The following STC1 variants were observed in gnomAD, a reference collection of about 807,000 sequenced individuals.
STC1 encodes stanniocalcin-1.
A neutral mutation model predicts 22.6 loss-of-function variants in STC1; 7 were observed. The observed-to-expected ratio is 0.31, with a 90% CI of 0.18 to 0.58. The LOEUF (loss-of-function observed/expected upper bound fraction) is 0.58, where lower values mean the gene tolerates loss of function less well. STC1 is among the 20% of genes least tolerant of loss of function. The probability of loss-of-function intolerance (pLI) is 0.89; values close to 1 mark genes in which losing one functional copy is unlikely to be tolerated. For synonymous variants in STC1, 113 were observed against 120.7 expected, an observed-to-expected ratio of 0.94 and a Z score of 0.42; for missense variants, 224 against 311.0, an observed-to-expected ratio of 0.72 and a Z score of 2.10.
rs760208706 is a variant in STC1 at position 23,854,603 on chromosome 8, T to C, written c.-80A>G. The C allele has an allele frequency of 7.6e-6, 9 of 1,178,130 alleles. No homozygotes were observed. The highest frequency in any genetic ancestry group is 1.1e-5 in the Non-Finnish European group (9 of 785,654). The allele number at this position is 1,178,130 out of a possible 1,614,324, so 73.0% of individuals were successfully genotyped here. A position where few individuals can be genotyped will look rare whatever the true frequency, so the allele number is the denominator to read the frequency against. The stretch of plus-strand genomic sequence containing the variant: ...TCCTCTTTCCCTCTCCTGGCTTGAG[T>C]GAAGATGTGGATCTGGATACACTGA... On this transcript the variant is annotated 5_prime_UTR_variant, in exon 1 of 4. Transcript: ENST00000290271.
intron 3 of STC1, among the ~76,000 whole-genome samples, chr8:23,845,295 C>T (rs922272196): frequency 6.6e-6 from 1 of 152,098 alleles, no homozygotes; most frequent in African/African-American, 2.4e-5. Context: ...ATTTAGATCA[C>T]ACTTTGAAGA....
In STC1 at chr8:23,854,720, TGCC is replaced by T; in HGVS notation, c.-200_-198del. Reference sequence around the variant, plus strand: ...CCGGTGCCTCCGCTGCTGCTGCTGCTGCCGCCGCTGCTGCTGCTGCTGCCACCG... The same window carrying T: ...CCGGTGCCTCCGCTGCTGCTGCTGCTGCCGCTGCTGCTGCTGCTGCCACCG... On this transcript the variant is annotated 5_prime_UTR_variant, in exon 1 of 4. Transcript: ENST00000290271. 1 of 662,814 alleles carries T rather than the reference TGCC, an allele frequency of 1.5e-6. No individual in the cohort carries two copies. The highest frequency in any genetic ancestry group is 2.8e-6 in the Non-Finnish European group (1 of 359,584). The allele number at this position is 662,814 out of a possible 1,614,324, so 41.1% of individuals were successfully genotyped here. A position where few individuals can be genotyped will look rare whatever the true frequency, so the allele number is the denominator to read the frequency against.
rs1802682646 is a variant in STC1 at position 23,854,788 on chromosome 8, C to G, written c.-265G>C. Reference sequence around the variant, plus strand: ...GCTGCTGCAGTCGCTGCTTCTTGCACCTCTGGCTTTTGCAAACTGGGGGCC... The same window carrying G: ...GCTGCTGCAGTCGCTGCTTCTTGCAGCTCTGGCTTTTGCAAACTGGGGGCC... On this transcript the variant is annotated 5_prime_UTR_variant, in exon 1 of 4. Coordinates refer to ENST00000290271, the MANE Select transcript of STC1 (RefSeq NM_003155.3). 1.8e-6 allele frequency: 1 copy of G among 554,140 alleles called. No homozygotes were observed. Among genetic ancestry groups the G allele is most frequent in the African/African-American group, 1.9e-5 (1 of 52,276 alleles). 34.3% of individuals were successfully genotyped at this position (554,140 alleles called of 1,614,324 possible). A position where few individuals can be genotyped will look rare whatever the true frequency, so the allele number is the denominator to read the frequency against.
rs1802544487 is a variant in STC1 at position 23,844,184 on chromosome 8, GC to G, written c.*585del. 1 of 154,058 alleles carries G rather than the reference GC, an allele frequency of 6.5e-6. No individual in the cohort carries two copies. Among genetic ancestry groups the G allele is most frequent in the Admixed American group, 6.4e-5 (1 of 15,588 alleles). The allele number at this position is 154,058 out of a possible 1,614,324, so 9.5% of individuals were successfully genotyped here. On this transcript the variant is annotated 3_prime_UTR_variant, in exon 4 of 4. Coordinates refer to ENST00000290271, the MANE Select transcript of STC1 (RefSeq NM_003155.3). Reference sequence around the variant, plus strand: ...TGCAGGCTCAAAGTCTGGTTGGACAGCCAGGCTCAAGCAATTTGGTAAATGT... The same window carrying G: ...TGCAGGCTCAAAGTCTGGTTGGACAGCAGGCTCAAGCAATTTGGTAAATGT...
At position 23,848,554 on chromosome 8, in the gene STC1, A is replaced by AAG. The variant is rs1554520346; in HGVS notation, c.473+2765_473+2766insCT. On this transcript the variant is annotated intron_variant, in intron 3 of 3. Coordinates refer to ENST00000290271, the MANE Select transcript of STC1 (RefSeq NM_003155.3). ...CAAAAAAAAAAAAAAAAAAAAAAAA[A>AAG]AAGAAGAAGAAGATTCCTTTCTTTA... is the stretch of plus-strand genomic sequence containing the variant. 7.9e-3 allele frequency among the ~76,000 whole-genome samples: 1,098 copies of AAG among 138,762 alleles called. 4 individuals carry two copies. Among genetic ancestry groups the AAG allele is most frequent in the Non-Finnish European group, 9.5e-3 (620 of 65,016 alleles). The allele number at this position is 138,762 out of a possible 152,430, so 91.0% of individuals were successfully genotyped here.
chr8:23,851,613 G>A, intron 2 of STC1, 82 bp from the exon 3 acceptor site: 1 of 1,195,974 alleles, frequency 8.4e-7, no homozygotes, highest in South Asian at 1.3e-5. Flanking sequence ...GAATTTAAGG[G>A]GGCTCATCTG....
chr8:23,848,638 C>A (rs577648890), intron 3 of STC1, among the ~76,000 whole-genome samples: 1 of 150,308 alleles, frequency 6.7e-6, no homozygotes, highest in African/African-American at 2.4e-5. Context: ...GTGTTCTGAT[C>A]ACCCAGCCCG....
intron 3 of STC1, among the ~76,000 whole-genome samples, chr8:23,847,653 C>G (rs1439012743): frequency 6.6e-6 from 1 of 152,174 alleles, no homozygotes; most frequent in Non-Finnish European, 1.5e-5. Context: ...AGCCATTTAC[C>G]TCTGGGATCA....
chr8:23,845,134 A>G (rs1157766041), intron 3 of STC1, 94 bp from the exon 4 acceptor site: 1 of 1,335,930 alleles, frequency 7.5e-7, no homozygotes, highest in East Asian at 2.3e-5. Flanking sequence ...ACGAGTCCCT[A>G]ATGGCCTGAC....
Position 23,844,501 on chromosome 8 carries a change from A to AC in STC1, c.*268_*269insG. ...GGGTGGTCTCAGGGGAGCAGGGGAA[A>AC]AACATGGCAGAGGAAGTTGGTAAAA... On this transcript the variant is annotated 3_prime_UTR_variant, in exon 4 of 4. Coordinates refer to ENST00000290271, the MANE Select transcript of STC1 (RefSeq NM_003155.3). The AC allele has an allele frequency of 6.2e-6, 3 of 480,392 alleles. No homozygotes were observed. The highest frequency in any genetic ancestry group is 3.5e-5 in the Admixed American group (1 of 28,638). 29.8% of individuals were successfully genotyped at this position (480,392 alleles called of 1,614,324 possible).
chr8:23,853,757 C>T (rs1420693306), intron 1 of STC1, among the ~76,000 whole-genome samples: 3 of 152,070 alleles, frequency 2.0e-5, no homozygotes, highest in East Asian at 1.9e-4. Flanking sequence ...ACAGCTGCTA[C>T]GTTTCACAAT....
rs1225180843 is a variant in STC1, at chr8:23,843,438, A to G, written c.*1332T>C. 1 of 152,390 alleles carries G rather than the reference A, an allele frequency of 6.6e-6. No homozygotes were observed. The highest frequency in any genetic ancestry group is 1.5e-5 in the Non-Finnish European group (1 of 68,024). 9.4% of individuals were successfully genotyped at this position (152,390 alleles called of 1,614,324 possible). A position where few individuals can be genotyped will look rare whatever the true frequency, so the allele number is the denominator to read the frequency against. ...AAGGCTGGACAGCCCAGGGTTATTT[A>G]TACTCTCTCAGCCCCAAGTCCCCCG... is the stretch of plus-strand genomic sequence containing the variant. On this transcript the variant is annotated 3_prime_UTR_variant, in exon 4 of 4. Transcript: ENST00000290271.
Position 23,852,338 on chromosome 8 carries a change from C to A in STC1, c.165G>T (p.Gly55=). ...CLNSALQVGC[G]AFACLENSTC... ...TGGAGTTTTCCAGGCATGCAAAAGC[C>A]CCGCAGCCGACCTGTAGAGCACTGT... is the stretch of plus-strand genomic sequence containing the variant. Residue 55 remains glycine (G), a synonymous_variant, in exon 2 of 4, where the codon GGG becomes GGT. Transcript: ENST00000290271. 1 of 1,613,418 alleles carries A rather than the reference C, an allele frequency of 6.2e-7. No individual in the cohort carries two copies. Among genetic ancestry groups the A allele is most frequent in the South Asian group, 1.1e-5 (1 of 90,922 alleles).
chr8:23,843,034 G>A lies in STC1; in HGVS notation c.*1736C>T, dbSNP rs1802532128. 6.6e-6 allele frequency: 1 copy of A among 152,600 alleles called. No individual in the cohort carries two copies. Among genetic ancestry groups the A allele is most frequent in the Admixed American group, 6.6e-5 (1 of 15,266 alleles). 9.5% of individuals were successfully genotyped at this position (152,600 alleles called of 1,614,324 possible). On this transcript the variant is annotated 3_prime_UTR_variant, in exon 4 of 4. Coordinates refer to ENST00000290271, the MANE Select transcript of STC1 (RefSeq NM_003155.3). Reference sequence around the variant, plus strand: ...TCGATTTGGTCAAATCTTGAGTTTAGCCTAGTGAGAGTCAAGCACCAATAG... The same window carrying A: ...TCGATTTGGTCAAATCTTGAGTTTAACCTAGTGAGAGTCAAGCACCAATAG...
In STC1 at chr8:23,844,895, G is replaced by A; in HGVS notation, c.619C>T (p.Pro207Ser). 1 of 1,614,068 alleles carries A rather than the reference G, an allele frequency of 6.2e-7. No homozygotes were observed. Among genetic ancestry groups the A allele is most frequent in the Non-Finnish European group, 8.5e-7 (1 of 1,180,010 alleles). The change falls in exon 4 of 4, where the codon CCA (proline) becomes TCA (serine). Residue 207 changes from proline (P) to serine (S), a missense_variant. Pro to Ser is a moderately conservative substitution (Grantham distance 74). Coordinates refer to ENST00000290271, the MANE Select transcript of STC1 (RefSeq NM_003155.3). The stretch of plus-strand genomic sequence containing the variant: ...CGTCTCCTGTTGAAGTCAGCTCGTG[G>A]GTGTGTTTGGGCACAGTGGTCTGTC... The part of the protein sequence containing the change: ...LQTDHCAQTH[P>S]RADFNRRRTN...
In STC1 at chr8:23,854,741, T is replaced by TGCCGCCGCCGCTGCTGCTGCTGCC; in HGVS notation, c.-219_-218insGGCAGCAGCAGCAGCGGCGGCGGC. 1.5e-6 allele frequency: 1 copy of TGCCGCCGCCGCTGCTGCTGCTGCC among 649,442 alleles called. No individual in the cohort carries two copies. Among genetic ancestry groups the TGCCGCCGCCGCTGCTGCTGCTGCC allele is most frequent in the Non-Finnish European group, 2.9e-6 (1 of 349,940 alleles). The allele number at this position is 649,442 out of a possible 1,614,324, so 40.2% of individuals were successfully genotyped here. On this transcript the variant is annotated 5_prime_UTR_variant, in exon 1 of 4. Coordinates refer to ENST00000290271, the MANE Select transcript of STC1 (RefSeq NM_003155.3). ...CTGCTGCCGCCGCTGCTGCTGCTGC[T>TGCCGCCGCCGCTGCTGCTGCTGCC]GCCACCGCCGCTGCTGCTGCTGCTG...
intron 2 of STC1, 35 bp downstream of exon 2, chr8:23,852,207 G>A: frequency 1.2e-6 from 2 of 1,613,680 alleles, no homozygotes; most frequent in Non-Finnish European, 1.7e-6. Context: ...TTAAAGACAA[G>A]CAGCCAGTGG....
chr8:23,845,522 A>G (rs1802561908), intron 3 of STC1, among the ~76,000 whole-genome samples: 1 of 150,796 alleles, frequency 6.6e-6, no homozygotes, highest in Non-Finnish European at 1.5e-5. Context: ...CTTTTTTGTA[A>G]TTTTCCTTTT....
At chr8:23,850,145 C>T (rs374005454) in intron 3 of STC1, among the ~76,000 whole-genome samples, 1 of 152,334 alleles carries the variant, frequency 6.6e-6, no homozygotes, top group South Asian at 2.1e-4. Flanking sequence ...GTGTTAGGCA[C>T]CTTAGCCTTT....
Sources: gnomAD v4.1 joint callset for allele counts (sites outside exome capture counted in the v4.1 genomes callset) on GRCh38, gnomAD v4.1.1 for gene constraint, MANE v1.5 for transcripts, NCBI Gene and HGNC (gene_info 2026-07-23, HGNC 2026-07-21) for gene names.